Variants in ODF2 observed in about 807,000 individuals in gnomAD.
The protein encoded by ODF2 is outer dense fiber protein 2.
ODF2 carries 47 observed loss-of-function variants against 110.2 expected under a neutral mutation model. That is an observed-to-expected ratio of 0.43 (90% confidence interval 0.34 to 0.54). ODF2 has a LOEUF of 0.54. ODF2 is among the 20% of genes least tolerant of loss of function. The probability of loss-of-function intolerance (pLI) is 0.03; values close to 1 mark genes in which losing one functional copy is unlikely to be tolerated. For synonymous variants in ODF2, 352 were observed against 397.7 expected (o/e 0.89, Z 1.37); for missense variants, 812 against 1,054.5 (o/e 0.77, Z 3.19).
At chr9:128,492,365 G>A in intron 14 of ODF2, 61 bp from the exon 15 acceptor site, 1 of 1,105,538 alleles carries the variant, frequency 9.0e-7, no homozygotes. Flanking sequence ...TAGAGTTGAG[G>A]GTAGGAGGTC....
exon 1 of ODF2, chr9:128,456,243 C>T (rs1834734708): frequency 1.3e-6 from 2 of 1,544,714 alleles, no homozygotes; most frequent in Non-Finnish European, 1.7e-6. Flanking sequence ...TGGGCGCAGC[C>T]GTGTCGCTCC....
At chr9:128,488,994 G>A (rs1027392162) in intron 14 of ODF2, among the ~76,000 whole-genome samples, 5 of 152,126 alleles carry the variant, frequency 3.3e-5, no homozygotes, top group Admixed American at 1.3e-4. Context: ...GCAACAGAGC[G>A]AAACTCCGTC....
intron 2 of ODF2, chr9:128,457,550 T>G: frequency 7.3e-7 from 1 of 1,362,032 alleles, no homozygotes; most frequent in Non-Finnish European, 9.8e-7. Context: ...GCTGAAAGTC[T>G]GGACCAAAAC....
intron 13 of ODF2, among the ~76,000 whole-genome samples, 172 bp from the exon 14 acceptor site, chr9:128,487,718 C>T (rs1177761067): frequency 6.6e-6 from 1 of 151,536 alleles, no homozygotes; most frequent in African/African-American, 2.4e-5. Flanking sequence ...ACACGGGAGG[C>T]GGAGCTTGCA....
chr9:128,484,970 C>A, intron 12 of ODF2, 84 bp downstream of exon 12: 4 of 660,056 alleles, frequency 6.1e-6, no homozygotes, highest in Non-Finnish European at 1.0e-5. Context: ...AGATGGGTAG[C>A]GGGGAGGGGT....
At chr9:128,466,741 G>A (rs920769634) in intron 4 of ODF2, among the ~76,000 whole-genome samples, 1 of 149,350 alleles carries the variant, frequency 6.7e-6, no homozygotes, top group African/African-American at 2.4e-5. Context: ...ACTTTGGGAG[G>A]CCGAGGCGGG....
chr9:128,492,517 T>C (rs1233523678), exon 15 of ODF2: 3 of 1,613,344 alleles, frequency 1.9e-6, no homozygotes, highest in South Asian at 1.1e-5. Flanking sequence ...GAGGGGATGA[T>C]TGACAACTAT....
exon 6 of ODF2, chr9:128,471,330 G>C: frequency 6.2e-7 from 1 of 1,610,810 alleles, no homozygotes. Context: ...AAAGGTGAGC[G>C]CCAGATGGCC....
In ODF2 at chr9:128,494,794, G is replaced by A; in HGVS notation, c.1911+126G>A. On this transcript the variant is annotated intron_variant, in intron 17 of 20. Transcript: ENST00000604420. The surrounding 1 kb of genome is among the most constrained non-coding windows in gnomAD (Gnocchi z 4.6). ...TTGGCTGCTGCTTTTTAAAAGGAGT[G>A]AGCTATCATCAGTGCTGTGAAATAA... The A allele has an allele frequency of 6.3e-7, 1 of 1,582,756 alleles. No homozygotes were observed. The highest frequency in any genetic ancestry group is 8.6e-7 in the Non-Finnish European group (1 of 1,165,734).
intron 14 of ODF2, among the ~76,000 whole-genome samples, chr9:128,489,731 C>A (rs1313391537): frequency 6.6e-6 from 1 of 152,118 alleles, no homozygotes; most frequent in African/African-American, 2.4e-5. Context: ...TGTTTATATA[C>A]CTTGAAGTAG....
intron 3 of ODF2, chr9:128,460,030 T>G: frequency 6.8e-6 from 5 of 739,894 alleles, no homozygotes; most frequent in Non-Finnish European, 8.2e-6. Flanking sequence ...CTTTAGAATC[T>G]AGACAGCCTT....
chr9:128,500,024 T>C (rs1386523368), intron 20 of ODF2, 43 bp from the exon 21 acceptor site: 2 of 1,609,152 alleles, frequency 1.2e-6, no homozygotes, highest in Non-Finnish European at 8.5e-7. Flanking sequence ...ATTTCTATTT[T>C]GGACACTGCA....
intron 1 of ODF2, chr9:128,457,012 C>G: frequency 8.0e-7 from 1 of 1,255,260 alleles, no homozygotes; most frequent in Non-Finnish European, 1.0e-6. Context: ...TGGGGCCGAG[C>G]GGTTCTCACC....
intron 4 of ODF2, among the ~76,000 whole-genome samples, chr9:128,463,612 A>T (rs902343043): frequency 1.3e-5 from 2 of 152,222 alleles, no homozygotes; most frequent in African/African-American, 4.8e-5. Flanking sequence ...ATTGAGACAG[A>T]TATTTATGCA....
chr9:128,456,574 C>T (rs1468438689), intron 1 of ODF2: 3 of 1,525,836 alleles, frequency 2.0e-6, no homozygotes, highest in Middle Eastern at 1.7e-4. Context: ...CTCCTGCCTG[C>T]TGGTGGGTGG....
exon 8 of ODF2, chr9:128,473,619 A>G (rs1375470183): frequency 6.2e-7 from 1 of 1,612,944 alleles, no homozygotes; most frequent in East Asian, 2.2e-5. Context: ...GGAGAAACAA[A>G]TGACCTGCAC....
chr9:128,482,990 G>A (rs530064943), intron 10 of ODF2, 103 bp downstream of exon 10: 1 of 831,130 alleles, frequency 1.2e-6, no homozygotes, highest in Admixed American at 2.5e-5. Context: ...CTGCCTCCCG[G>A]ATTTGAGTGA....
chr9:128,496,268 C>G (rs1377948608), intron 18 of ODF2, 127 bp downstream of exon 18: 1 of 1,528,890 alleles, frequency 6.5e-7, no homozygotes, highest in Non-Finnish European at 8.8e-7. Context: ...CTAGGCAGAC[C>G]TCAGAGGAAA....
intron 18 of ODF2, 129 bp from the exon 19 acceptor site, chr9:128,498,284 T>C (rs10819391): frequency 0.75 from 1,019,689 of 1,364,156 alleles, 389,185 homozygotes; most frequent in Non-Finnish European, 0.79. Flanking sequence ...CTTTGGCTTA[T>C]TCCTGTGGCT....
Sources: gnomAD v4.1 joint callset for allele counts (sites outside exome capture counted in the v4.1 genomes callset) on GRCh38, gnomAD v4.1.1 for gene constraint, Gnocchi (gnomAD v3.1) non-coding constraint, MANE v1.5 for transcripts, NCBI Gene and HGNC (gene_info 2026-07-23, HGNC 2026-07-21) for gene names.